ZNF804B: variants seen among roughly 807,000 people sequenced by gnomAD.
The protein encoded by ZNF804B is zinc finger 804B.
In ZNF804B, 80 loss-of-function variants were observed where a neutral mutation model predicts 101.4. That is an observed-to-expected ratio of 0.79 (90% confidence interval 0.66 to 0.95). The LOEUF is 0.95. ZNF804B is among the 40% of genes least tolerant of loss of function. The pLI is 0.00. For synonymous variants in ZNF804B, 622 were observed against 558.8 expected, an observed-to-expected ratio of 1.11 and a Z score of -1.59; for missense variants, 1,673 against 1,561.9, an observed-to-expected ratio of 1.07 and a Z score of -1.20.
intron 1 of ZNF804B, among the ~76,000 whole-genome samples, chr7:89,056,484 G>A (rs540349774): frequency 1.2e-3 from 188 of 152,232 alleles, no homozygotes; most frequent in Non-Finnish European, 2.0e-3. Context: ...GAAAGGAGAC[G>A]TAAGGTCAGG....
chr7:89,099,764 A>G (rs1214395104), intron 1 of ZNF804B, among the ~76,000 whole-genome samples: 2 of 152,192 alleles, frequency 1.3e-5, no homozygotes, highest in African/African-American at 2.4e-5. Flanking sequence ...CTTTAGTTCT[A>G]GAAGTATTAG....
At chr7:88,904,607 G>A (rs1451320840) in intron 1 of ZNF804B, among the ~76,000 whole-genome samples, 3 of 151,946 alleles carry the variant, frequency 2.0e-5, no homozygotes, top group Non-Finnish European at 4.4e-5. Context: ...TTATTTATTT[G>A]TGTCATCTCT....
intron 1 of ZNF804B, among the ~76,000 whole-genome samples, chr7:89,152,975 T>C (rs1191112901): frequency 2.0e-5 from 3 of 152,104 alleles, no homozygotes; most frequent in Non-Finnish European, 4.4e-5. Flanking sequence ...AAAGAAAATA[T>C]TAACTAAACT....
chr7:89,321,063 C>T (rs994954141), intron 2 of ZNF804B, among the ~76,000 whole-genome samples: 1 of 151,914 alleles, frequency 6.6e-6, no homozygotes, highest in Non-Finnish European at 1.5e-5. Context: ...AAATAGTTTA[C>T]CATGTATACT....
intron 1 of ZNF804B, among the ~76,000 whole-genome samples, chr7:88,792,486 G>A (rs986874381): frequency 7.9e-5 from 12 of 151,898 alleles, no homozygotes; most frequent in East Asian, 7.7e-4. Flanking sequence ...ACATATGCTC[G>A]TCTTCTCTCC....
intron 2 of ZNF804B, among the ~76,000 whole-genome samples, chr7:89,306,045 A>T (rs1463879065): frequency 6.6e-6 from 1 of 151,976 alleles, no homozygotes; most frequent in Non-Finnish European, 1.5e-5. Context: ...TTTGTTTTAA[A>T]ATAGACTAAA....
chr7:89,266,432 A>G (rs1789797479), intron 2 of ZNF804B, among the ~76,000 whole-genome samples: 1 of 152,148 alleles, frequency 6.6e-6, no homozygotes, highest in South Asian at 2.1e-4. Flanking sequence ...ATAAATAAAT[A>G]TATCTAGGTA....
At chr7:89,165,656 C>T (rs1791130903) in intron 1 of ZNF804B, among the ~76,000 whole-genome samples, 1 of 152,016 alleles carries the variant, frequency 6.6e-6, no homozygotes, top group Non-Finnish European at 1.5e-5. Flanking sequence ...TTTATATACA[C>T]AGTCTGTAAA....
intron 1 of ZNF804B, among the ~76,000 whole-genome samples, chr7:88,936,908 A>G (rs1223984004): frequency 2.6e-5 from 4 of 152,014 alleles, no homozygotes; most frequent in African/African-American, 9.7e-5. Flanking sequence ...TGCTCTCTTG[A>G]GCTTCAACAA....
chr7:89,061,197 T>C (rs1280378959), intron 1 of ZNF804B, among the ~76,000 whole-genome samples: 1 of 152,172 alleles, frequency 6.6e-6, no homozygotes, highest in Non-Finnish European at 1.5e-5. Context: ...ATGTAGCCTA[T>C]AAAGTGTTCT....
chr7:89,214,685 A>G (rs1788862421), intron 1 of ZNF804B, among the ~76,000 whole-genome samples: 1 of 152,240 alleles, frequency 6.6e-6, no homozygotes, highest in Admixed American at 6.5e-5. Flanking sequence ...GGTAACCCTT[A>G]ATAGCAATTT....
At chr7:88,888,850 T>C (rs1384145786) in intron 1 of ZNF804B, among the ~76,000 whole-genome samples, 6 of 152,278 alleles carry the variant, frequency 3.9e-5, no homozygotes, top group Admixed American at 1.3e-4. Flanking sequence ...TACATAGATA[T>C]ATTGCGTAAA....
chr7:88,774,424 G>T (rs1790113761), intron 1 of ZNF804B, among the ~76,000 whole-genome samples: 1 of 152,056 alleles, frequency 6.6e-6, no homozygotes. Flanking sequence ...CTGGTCTAGT[G>T]TGAGGTCCAG....
intron 1 of ZNF804B, among the ~76,000 whole-genome samples, chr7:88,888,993 T>C (rs1792176347): frequency 6.6e-6 from 1 of 152,170 alleles, no homozygotes; most frequent in African/African-American, 2.4e-5. Context: ...ATCTTTATGC[T>C]CCTGTGTGCT....
rs1791034737 is a variant in ZNF804B at position 89,334,191 on chromosome 7, A to C, written c.1209A>C (p.Pro403=). ...SEQKSTVHLN[P]NSRIENREKS... ...AAAAGAGTACAGTGCATCTGAATCCAAATTCCAGAATAGAGAACAGAGAAA... is the reference window on the plus strand; with the variant it reads ...AAAAGAGTACAGTGCATCTGAATCCCAATTCCAGAATAGAGAACAGAGAAA... The change falls in exon 4 of 4, where the codon CCA becomes CCC. Residue 403 remains proline, a synonymous_variant. Transcript: ENST00000333190. 6.2e-7 allele frequency: 1 copy of C among 1,613,452 alleles called. No individual in the cohort carries two copies.
At position 89,218,124 on chromosome 7, in the gene ZNF804B, C is replaced by G. The variant is rs777121353; in HGVS notation, c.109-31C>G. 4.4e-6 allele frequency: 7 copies of G among 1,596,664 alleles called. No individual in the cohort carries two copies. In the African/African-American group the frequency reaches 9.9e-5, roughly 22 times the overall value. On this transcript the variant is annotated intron_variant, in intron 1 of 3. Coordinates refer to ENST00000333190, the MANE Select transcript of ZNF804B (RefSeq NM_181646.5). ...TCTGGTTATGCTATTAGAGAGAAGT[C>G]TAACCAACATTTATGTATTTTTTCT...
intron 1 of ZNF804B, among the ~76,000 whole-genome samples, chr7:89,205,924 A>G (rs1788707980): frequency 6.6e-6 from 1 of 152,204 alleles, no homozygotes; most frequent in Non-Finnish European, 1.5e-5. Context: ...CCCCTGCAGC[A>G]AACTTCTACC....
chr7:89,006,509 A>G (rs949847300), intron 1 of ZNF804B, among the ~76,000 whole-genome samples: 3 of 152,098 alleles, frequency 2.0e-5, no homozygotes, highest in Non-Finnish European at 4.4e-5. Flanking sequence ...CTGATTTTCA[A>G]TCTTGTATGG....
intron 1 of ZNF804B, among the ~76,000 whole-genome samples, chr7:89,108,520 A>G (rs1271096096): frequency 6.6e-6 from 1 of 152,198 alleles, no homozygotes; most frequent in Non-Finnish European, 1.5e-5. Context: ...TTATTCTAGA[A>G]TGATTTCACT....
Sources: gnomAD v4.1 joint callset for allele counts (sites outside exome capture counted in the v4.1 genomes callset) on GRCh38, gnomAD v4.1.1 for gene constraint, MANE v1.5 for transcripts, NCBI Gene and HGNC (gene_info 2026-07-23, HGNC 2026-07-21) for gene names.